Variants in ATAT1 observed in about 807,000 individuals in gnomAD.
The protein encoded by ATAT1 is alpha tubulin acetyltransferase 1.
In ATAT1, 42 loss-of-function variants were observed where a neutral mutation model predicts 57.2. That is an observed-to-expected ratio of 0.73 (90% CI 0.57 to 0.95). The LOEUF (loss-of-function observed/expected upper bound fraction) is 0.95. Ranked by LOEUF, ATAT1 falls within the 40% of genes least tolerant of loss-of-function variation. The pLI, the probability that ATAT1 is intolerant of heterozygous loss-of-function variation, is 0.00. For missense variants in ATAT1, 454 were observed against 523.7 expected (o/e 0.87, Z 1.30); for synonymous variants, 168 against 187.1 (o/e 0.90, Z 0.83).
intron 10 of ATAT1, chr6:30,644,699 C>T (rs1195374194): frequency 4.6e-5 from 42 of 904,466 alleles, no homozygotes; most frequent in Middle Eastern, 1.1e-3. Context: ...CTCATTTGTG[C>T]GTCATCCCTT....
Position 30,627,039 on chromosome 6 carries a change from C to T in ATAT1, c.-165C>T. 6.4e-7 allele frequency: 1 copy of T among 1,553,054 alleles called. No homozygotes were observed. The highest frequency in any genetic ancestry group is 8.7e-7 in the Non-Finnish European group (1 of 1,145,694). ...CTGGCCCTTTTCTCCCGGTTCCTCTCCAAACCTGGTCCAGGCACCACGCCC... is the reference window on the plus strand; with the variant it reads ...CTGGCCCTTTTCTCCCGGTTCCTCTTCAAACCTGGTCCAGGCACCACGCCC... On this transcript the variant is annotated 5_prime_UTR_variant, in exon 1 of 13. Coordinates refer to ENST00000330083, the MANE Select transcript of ATAT1 (RefSeq NM_001031722.4).
intron 4 of ATAT1, 35 bp from the exon 5 acceptor site, chr6:30,627,997 G>T: frequency 6.2e-7 from 1 of 1,609,454 alleles, no homozygotes; most frequent in Non-Finnish European, 8.5e-7. Flanking sequence ...AGAGATGCCG[G>T]GGTTCCTAAA....
chr6:30,641,709 T>C (rs1380447794), intron 8 of ATAT1: 5 of 859,592 alleles, frequency 5.8e-6, no homozygotes, highest in South Asian at 5.3e-5. Flanking sequence ...GAAGGAGAGA[T>C]TGTGCCCTCC....
Position 30,627,337 on chromosome 6 carries a change from C to G in ATAT1, c.71+63C>G, listed in dbSNP as rs975914289. ...GAAATCAGATTGGAAGACTCCCAGG[C>G]AAAGGCAGGGAGCCTTCAGTGTTAA... On this transcript the variant is annotated intron_variant, in intron 1 of 12. Transcript: ENST00000330083. The G allele has an allele frequency of 2.5e-6, 4 of 1,610,456 alleles. No homozygotes were observed. The African/African-American group carries it at 4.0e-5, about 16-fold the overall frequency.
Position 30,642,833 on chromosome 6 carries a change from G to GCAC in ATAT1, c.755_756insACC (p.Ala252_His253insPro). The GCAC allele has an allele frequency of 1.6e-5, 25 of 1,537,874 alleles. No homozygotes were observed. The highest frequency in any genetic ancestry group is 8.1e-5 in the South Asian group (7 of 86,358). ...GGCCCCTCGCCGCGCCACACCTCCA[G>GCAC]CCCACCCACCCCCCCGCTCCAGCAG... On this transcript the variant is annotated inframe_insertion, in exon 10 of 13. Coordinates refer to ENST00000330083, the MANE Select transcript of ATAT1 (RefSeq NM_001031722.4).
Position 30,642,918 on chromosome 6 carries a change from T to C in ATAT1, c.839T>C (p.Leu280Pro). ...CCCTTTGTGCCAGAGCAGGAGCTGC[T>C]GCGTTCCTTGCGCCTCTGCCCCCCA... The change falls in exon 10 of 13, where the codon CTG (leucine) becomes CCG (proline). Residue 280 changes from leucine (L) to proline (P), a missense_variant. Leu to Pro is a moderately conservative substitution (Grantham distance 98, BLOSUM62 -3). Coordinates refer to ENST00000330083, the MANE Select transcript of ATAT1 (RefSeq NM_001031722.4). The C allele has an allele frequency of 6.3e-7, 1 of 1,587,798 alleles. No individual in the cohort carries two copies. Among genetic ancestry groups the C allele is most frequent in the Non-Finnish European group, 8.6e-7 (1 of 1,165,362 alleles).
chr6:30,634,314 G>C (rs2894041), intron 6 of ATAT1, among the ~76,000 whole-genome samples: 17,912 of 151,710 alleles, frequency 0.12, 1,406 homozygotes, highest in South Asian at 0.2. Context: ...GCAGTGGTGC[G>C]ATCTTGGCTC....
intron 10 of ATAT1, among the ~76,000 whole-genome samples, 189 bp from the exon 11 acceptor site, chr6:30,645,706 T>A (rs565638442): frequency 6.6e-6 from 1 of 152,334 alleles, no homozygotes; most frequent in East Asian, 1.9e-4. Flanking sequence ...CCAGAAAATC[T>A]TGGGTATAAA....
Position 30,642,836 on chromosome 6 carries a change from C to CGGGGG in ATAT1, c.757_758insGGGGG (p.His253ArgfsTer68). ...CCCTCGCCGCGCCACACCTCCAGCC[C>CGGGGG]ACCCACCCCCCCGCTCCAGCAGCCT... On this transcript the variant is annotated frameshift_variant, in exon 10 of 13. Coordinates refer to ENST00000330083, the MANE Select transcript of ATAT1 (RefSeq NM_001031722.4). LOFTEE classifies it high-confidence loss of function. The CGGGGG allele has an allele frequency of 1.6e-6, 1 of 615,856 alleles. No individual in the cohort carries two copies. The allele number at this position is 615,856 out of a possible 1,614,324, so 38.1% of individuals were successfully genotyped here.
Position 30,626,975 on chromosome 6 carries a change from A to C in ATAT1, c.-229A>C, listed in dbSNP as rs765517332. 1 of 1,602,160 alleles carries C rather than the reference A, an allele frequency of 6.2e-7. No homozygotes were observed. The highest frequency in any genetic ancestry group is 1.1e-5 in the South Asian group (1 of 89,382). On this transcript the variant is annotated 5_prime_UTR_variant, in exon 1 of 13. Coordinates refer to ENST00000330083, the MANE Select transcript of ATAT1 (RefSeq NM_001031722.4). ...TGAGGCCCCCAGCCCGCCGACCCGG[A>C]ACCACAACGCCGGCCCGGTGACAGC...
Position 30,642,266 on chromosome 6 carries a change from G to T in ATAT1, c.688+19G>T, listed in dbSNP as rs769455282. The T allele has an allele frequency of 1.9e-6, 3 of 1,613,912 alleles. No homozygotes were observed. Among genetic ancestry groups the T allele is most frequent in the Non-Finnish European group, 1.7e-6 (2 of 1,179,988 alleles). On this transcript the variant is annotated intron_variant, in intron 9 of 12. Transcript: ENST00000330083. ...CGAGAATGTAAGAGGGGCAAGGGTC[G>T]GGTGTCTGGGCCTGGGGTACCTTAA...
At position 30,646,546 on chromosome 6, in the gene ATAT1, C is replaced by T; in HGVS notation, c.1133C>T (p.Pro378Leu). The T allele has an allele frequency of 1.3e-6, 2 of 1,586,980 alleles. No individual in the cohort carries two copies. Among genetic ancestry groups the T allele is most frequent in the Non-Finnish European group, 8.6e-7 (1 of 1,166,934 alleles). ...ATGCACACAGCTCCTCCACAGGCCC[C>T]GGCCCCGCCAGCCCAGTCCTGGACA... is the stretch of plus-strand genomic sequence containing the variant. The change falls in exon 13 of 13, where the codon CCG (proline) becomes CTG (leucine). Residue 378 changes from proline (P) to leucine (L), a missense_variant. By Grantham distance (98) the Pro-to-Leu change is moderately conservative. Transcript: ENST00000330083.
At position 30,642,831 on chromosome 6, in the gene ATAT1, C is replaced by CGGGGGGCG; in HGVS notation, c.752_753insGGGGGGCG (p.Ala252GlyfsTer70). On this transcript the variant is annotated frameshift_variant, in exon 10 of 13. Coordinates refer to ENST00000330083, the MANE Select transcript of ATAT1 (RefSeq NM_001031722.4). LOFTEE classifies it high-confidence loss of function. Reference sequence around the variant, plus strand: ...AGGGCCCCTCGCCGCGCCACACCTCCAGCCCACCCACCCCCCCGCTCCAGC... The same window carrying CGGGGGGCG: ...AGGGCCCCTCGCCGCGCCACACCTCCGGGGGGCGAGCCCACCCACCCCCCCGCTCCAGC... 6.3e-7 allele frequency: 1 copy of CGGGGGGCG among 1,583,210 alleles called. No individual in the cohort carries two copies. The highest frequency in any genetic ancestry group is 8.6e-7 in the Non-Finnish European group (1 of 1,162,436).
At chr6:30,627,544 G>C in intron 2 of ATAT1, 24 bp downstream of exon 2, 1 of 1,609,316 alleles carries the variant, frequency 6.2e-7, no homozygotes, top group Non-Finnish European at 8.5e-7. Context: ...TTTAGATGGA[G>C]TAAAGGGAGG....
chr6:30,641,218 G>T (rs1765368441), intron 8 of ATAT1, among the ~76,000 whole-genome samples: 1 of 152,114 alleles, frequency 6.6e-6, no homozygotes, highest in Non-Finnish European at 1.5e-5. Context: ...CAGCTGTACA[G>T]TGCTTGCTTG....
At chr6:30,644,669 CA>C (rs529266413) in intron 10 of ATAT1, 945 of 864,466 alleles carry the variant, frequency 1.1e-3, no homozygotes, top group Middle Eastern at 1.2e-3. Flanking sequence ...AAAAGAATCA[CA>C]AAAAAAAAAG....
chr6:30,635,874 G>C (rs1016018278), intron 6 of ATAT1, among the ~76,000 whole-genome samples: 3 of 152,172 alleles, frequency 2.0e-5, no homozygotes, highest in African/African-American at 7.2e-5. Context: ...CTGCTTTAAT[G>C]GGAATAGAAA....
At chr6:30,640,510 G>T in intron 7 of ATAT1, 25 bp from the exon 8 acceptor site, 4 of 1,612,852 alleles carry the variant, frequency 2.5e-6, no homozygotes, top group Non-Finnish European at 3.4e-6. Flanking sequence ...CTCACTGAGG[G>T]GCCCCGCCGC....
At chr6:30,633,582 C>A in intron 6 of ATAT1, 1 of 177,002 alleles carries the variant, frequency 5.6e-6, no homozygotes, top group Non-Finnish European at 1.3e-5. Flanking sequence ...AGTCCCCAAA[C>A]TCTCACTTTC....
Sources: gnomAD v4.1 joint callset for allele counts (sites outside exome capture counted in the v4.1 genomes callset) on GRCh38, gnomAD v4.1.1 for gene constraint, MANE v1.5 for transcripts, NCBI Gene and HGNC (gene_info 2026-07-23, HGNC 2026-07-21) for gene names.